SDK1: variants seen among roughly 807,000 people sequenced by gnomAD.
The protein encoded by SDK1 is protein sidekick-1.
SDK1 carries 157 observed loss-of-function variants against 245.5 expected under a neutral mutation model. The observed-to-expected ratio is 0.64, with a 90% CI of 0.56 to 0.73. The LOEUF is 0.73. Among genes scored for constraint, SDK1 ranks in the 30% least tolerant of loss-of-function variants. SDK1 has a pLI of 0.00. For missense variants in SDK1, 3,583 were observed against 3,002.3 expected, an observed-to-expected ratio of 1.19 and a Z score of -4.52; for synonymous variants, 1,647 against 1,278.5, an observed-to-expected ratio of 1.29 and a Z score of -6.15.
intron 1 of SDK1, among the ~76,000 whole-genome samples, chr7:3,609,423 C>T (rs1781523070): frequency 6.6e-6 from 1 of 152,018 alleles, no homozygotes; most frequent in African/African-American, 2.4e-5. Context: ...TTTTTTGAGA[C>T]AGAGTCTCAC....
chr7:3,891,427 A>G (rs1337749131), intron 5 of SDK1, among the ~76,000 whole-genome samples: 1 of 152,184 alleles, frequency 6.6e-6, no homozygotes, highest in Non-Finnish European at 1.5e-5. Flanking sequence ...CTTCCTGCCC[A>G]TAGGAAGGAT....
At chr7:3,636,244 C>G (rs1016531224) in intron 2 of SDK1, among the ~76,000 whole-genome samples, 2 of 152,174 alleles carry the variant, frequency 1.3e-5, no homozygotes, top group African/African-American at 4.8e-5. Flanking sequence ...AACTTACCCT[C>G]TTAGTAAACT....
At position 3,967,300 on chromosome 7, in the gene SDK1, A is replaced by G; in HGVS notation, c.1430-18A>G. On this transcript the variant is annotated intron_variant, in intron 9 of 44. Transcript: ENST00000404826. ...TCAGGAACAAGGCCCTGATCATTTC[A>G]TTTACTCCTCTTCTCAGATATCGCT... 2 of 1,593,822 alleles carry G rather than the reference A, an allele frequency of 1.3e-6. No individual in the cohort carries two copies. The highest frequency in any genetic ancestry group is 1.1e-5 in the South Asian group (1 of 90,658).
chr7:4,128,938 C>T (rs1784584725), intron 26 of SDK1, among the ~76,000 whole-genome samples: 1 of 113,008 alleles, frequency 8.8e-6, no homozygotes, highest in Non-Finnish European at 1.8e-5. Context: ...GGGTGGGGTC[C>T]CCTGGAGGAG....
rs781253967 is a variant in SDK1 at position 4,220,090 on chromosome 7, T to A, written c.5540-19T>A. On this transcript the variant is annotated intron_variant, in intron 38 of 44. Transcript: ENST00000404826. ...TCCAGGCTGAACCCCCTTGTTTCCT[T>A]TGCTTCTGGCGGCTGCAGGGGTGAG... is the stretch of plus-strand genomic sequence containing the variant. The A allele has an allele frequency of 6.2e-7, 1 of 1,609,778 alleles. No individual in the cohort carries two copies. Among genetic ancestry groups the A allele is most frequent in the South Asian group, 1.1e-5 (1 of 90,776 alleles).
intron 36 of SDK1, 99 bp downstream of exon 36, chr7:4,206,093 G>T: frequency 1.2e-5 from 9 of 768,208 alleles, no homozygotes; most frequent in Non-Finnish European, 2.1e-6. Flanking sequence ...CCCCGCAGGC[G>T]CTCCACCTGG....
At chr7:3,677,661 A>G (rs939217664) in intron 4 of SDK1, among the ~76,000 whole-genome samples, 4 of 152,252 alleles carry the variant, frequency 2.6e-5, no homozygotes, top group African/African-American at 9.6e-5. Context: ...AACCATATCA[A>G]TTGTTAAATG....
intron 1 of SDK1, among the ~76,000 whole-genome samples, chr7:3,516,187 A>G (rs1782744554): frequency 6.6e-6 from 1 of 151,290 alleles, no homozygotes; most frequent in Admixed American, 6.6e-5. Flanking sequence ...ATGCACATAC[A>G]TTTACACACC....
intron 35 of SDK1, among the ~76,000 whole-genome samples, chr7:4,183,041 G>T (rs562690135): frequency 8.5e-5 from 13 of 152,204 alleles, no homozygotes; most frequent in Non-Finnish European, 1.8e-4. Flanking sequence ...ATAGTTTGGT[G>T]GGCGTGGGGG....
At chr7:4,079,640 G>C (rs1308740601) in intron 22 of SDK1, 56 bp downstream of exon 22, 3 of 1,602,906 alleles carry the variant, frequency 1.9e-6, no homozygotes, top group East Asian at 2.2e-5. Flanking sequence ...GTTGGGGCCT[G>C]TGAATGAGTG....
chr7:3,919,031 TATA>T, intron 5 of SDK1, among the ~76,000 whole-genome samples: 1 of 152,222 alleles, frequency 6.6e-6, no homozygotes. Flanking sequence ...TCATTGCTAA[TATA>T]ATGACTGTTA....
chr7:3,693,874 C>T (rs996191165), intron 4 of SDK1, among the ~76,000 whole-genome samples: 1 of 152,120 alleles, frequency 6.6e-6, no homozygotes, highest in Admixed American at 6.6e-5. Flanking sequence ...CTCATTTTCT[C>T]CTTCCTGCAC....
At chr7:3,448,514 A>G (rs926994130) in intron 1 of SDK1, among the ~76,000 whole-genome samples, 3 of 151,992 alleles carry the variant, frequency 2.0e-5, no homozygotes, top group Non-Finnish European at 4.4e-5. Flanking sequence ...ACATTGATCT[A>G]TCTTTGTTTA....
intron 5 of SDK1, among the ~76,000 whole-genome samples, chr7:3,842,879 A>G (rs970596641): frequency 5.3e-5 from 8 of 152,140 alleles, no homozygotes; most frequent in Non-Finnish European, 1.0e-4. Context: ...TTACTATGAC[A>G]TCTGTGGCTC....
intron 1 of SDK1, among the ~76,000 whole-genome samples, chr7:3,618,450 G>A (rs1049768327): frequency 6.6e-6 from 1 of 152,112 alleles, no homozygotes; most frequent in Admixed American, 6.5e-5. Context: ...CTTTCACTCG[G>A]CTTGATGTGT....
At chr7:3,402,560 A>G (rs1778917601) in intron 1 of SDK1, among the ~76,000 whole-genome samples, 2 of 152,218 alleles carry the variant, frequency 1.3e-5, no homozygotes, top group African/African-American at 4.8e-5. Context: ...CACAAAGCAC[A>G]ATTAAATTTC....
intron 4 of SDK1, among the ~76,000 whole-genome samples, chr7:3,750,017 T>C (rs754844415): frequency 3.0e-4 from 46 of 152,218 alleles, no homozygotes; most frequent in Admixed American, 2.1e-3. Flanking sequence ...TTACAGATGA[T>C]GGTTAAAACG....
At chr7:3,751,885 G>T (rs368873751) in intron 4 of SDK1, among the ~76,000 whole-genome samples, 21 of 152,174 alleles carry the variant, frequency 1.4e-4, no homozygotes, top group African/African-American at 5.1e-4. Context: ...TTCTCATTCC[G>T]TGATGAAATT....
At chr7:3,904,349 T>C (rs192054260) in intron 5 of SDK1, among the ~76,000 whole-genome samples, 5 of 152,250 alleles carry the variant, frequency 3.3e-5, no homozygotes, top group Non-Finnish European at 5.9e-5. Context: ...GAAAAAATAC[T>C]CTGGAACTAG....
Sources: allele counts gnomAD v4.1 joint callset (sites outside exome capture counted in the v4.1 genomes callset), GRCh38; gene constraint gnomAD v4.1.1; transcripts MANE v1.5; gene names NCBI Gene and HGNC (gene_info 2026-07-23, HGNC 2026-07-21).